Variants in SEZ6L observed in about 807,000 individuals in gnomAD.
SEZ6L encodes the protein seizure related 6 homolog like, also known as seizure 6-like protein.
Under a neutral mutation model 106.2 loss-of-function variants are expected in SEZ6L, and 37 were observed. The ratio of observed to expected loss-of-function variants is 0.35; its 90% CI spans 0.27 to 0.46. The LOEUF (loss-of-function observed/expected upper bound fraction) is 0.46, where lower values mean the gene tolerates loss of function less well. Ranked by LOEUF, SEZ6L falls within the 20% of genes least tolerant of loss-of-function variation. The pLI is 1.00. For synonymous variants in SEZ6L, 541 were observed against 570.4 expected, an observed-to-expected ratio of 0.95 and a Z score of 0.73; for missense variants, 1,172 against 1,332.8, an observed-to-expected ratio of 0.88 and a Z score of 1.88.
chr22:26,173,112 C>A (rs554277635), intron 1 of SEZ6L, among the ~76,000 whole-genome samples: 1 of 152,114 alleles, frequency 6.6e-6, no homozygotes, highest in South Asian at 2.1e-4. Context: ...GGAATGGGGG[C>A]AGGGCAAGGA....
At chr22:26,198,916 G>A (rs117019125) in intron 1 of SEZ6L, among the ~76,000 whole-genome samples, 3 of 152,214 alleles carry the variant, frequency 2.0e-5, no homozygotes, top group Non-Finnish European at 4.4e-5. Flanking sequence ...TGCCTCCCTT[G>A]TGGTTGGATG....
intron 4 of SEZ6L, among the ~76,000 whole-genome samples, chr22:26,298,426 TC>T (rs2081361303): frequency 6.6e-6 from 1 of 152,162 alleles, no homozygotes; most frequent in Non-Finnish European, 1.5e-5. Context: ...TCTCATTTAA[TC>T]CCCACCACCA....
chr22:26,351,068 C>T lies in SEZ6L; in HGVS notation c.2424C>T (p.Asp808=). 6.2e-7 allele frequency: 1 copy of T among 1,613,910 alleles called. No individual in the cohort carries two copies. Among genetic ancestry groups the T allele is most frequent in the Non-Finnish European group, 8.5e-7 (1 of 1,179,946 alleles). ...PFCEKIMYCT[D]PGEVDHSTRL... is the part of the protein sequence containing the mutation. Reference sequence around the variant, plus strand: ...CCCGTGTAGTTATGTACTGCACCGACCCCGGAGAGGTGGATCACTCGACCC... The same window carrying T: ...CCCGTGTAGTTATGTACTGCACCGATCCCGGAGAGGTGGATCACTCGACCC... The change falls in exon 12 of 17, where the codon GAC becomes GAT. Residue 808 remains aspartate, a synonymous_variant. Coordinates refer to ENST00000248933, the MANE Select transcript of SEZ6L (RefSeq NM_021115.5).
chr22:26,231,678 C>T (rs2078802042), intron 1 of SEZ6L, among the ~76,000 whole-genome samples: 1 of 152,194 alleles, frequency 6.6e-6, no homozygotes, highest in African/African-American at 2.4e-5. Flanking sequence ...TGTGTCAAGG[C>T]CCAGGAGACA....
At chr22:26,353,024 G>A (rs751893660) in intron 12 of SEZ6L, among the ~76,000 whole-genome samples, 2 of 152,202 alleles carry the variant, frequency 1.3e-5, no homozygotes, top group Non-Finnish European at 2.9e-5. Flanking sequence ...TCTTGTGAGA[G>A]AAAAATTTCC....
At chr22:26,275,361 T>C (rs1383063232) in intron 1 of SEZ6L, among the ~76,000 whole-genome samples, 3 of 152,202 alleles carry the variant, frequency 2.0e-5, no homozygotes, top group Non-Finnish European at 4.4e-5. Flanking sequence ...ATGTTTAAGG[T>C]AGGCTAGGCT....
chr22:26,247,366 ATGT>A (rs1223730906), intron 1 of SEZ6L, among the ~76,000 whole-genome samples: 3 of 152,142 alleles, frequency 2.0e-5, no homozygotes, highest in African/African-American at 7.2e-5. Context: ...AAAGCTCAGG[ATGT>A]AACCTTATTT....
At chr22:26,237,130 C>T (rs887668094) in intron 1 of SEZ6L, among the ~76,000 whole-genome samples, 20 of 152,252 alleles carry the variant, frequency 1.3e-4, no homozygotes, top group Admixed American at 1.0e-3. Flanking sequence ...TCCCCACTTC[C>T]CCTCCCTGAG....
intron 10 of SEZ6L, among the ~76,000 whole-genome samples, chr22:26,344,223 G>T (rs1300384012): frequency 6.6e-6 from 1 of 152,104 alleles, no homozygotes; most frequent in Non-Finnish European, 1.5e-5. Flanking sequence ...GGGCCTACGT[G>T]GTTCTAGAAT....
chr22:26,359,859 G>T (rs2083556709), intron 12 of SEZ6L, among the ~76,000 whole-genome samples: 1 of 152,128 alleles, frequency 6.6e-6, no homozygotes, highest in Non-Finnish European at 1.5e-5. Context: ...TCTTAGGGTT[G>T]TTGTGATAAC....
intron 1 of SEZ6L, among the ~76,000 whole-genome samples, chr22:26,230,927 G>A (rs139321980): frequency 7.2e-5 from 11 of 152,296 alleles, no homozygotes; most frequent in Admixed American, 2.6e-4. Flanking sequence ...GGGACAAGTC[G>A]CCCAAGGCTT....
chr22:26,240,067 GACACACAC>G (rs67141647), intron 1 of SEZ6L, among the ~76,000 whole-genome samples: 10 of 135,914 alleles, frequency 7.4e-5, no homozygotes, highest in South Asian at 2.5e-4. Context: ...CACACATACA[GACACACAC>G]ACACACACAC....
At chr22:26,227,150 G>A (rs375967383) in intron 1 of SEZ6L, among the ~76,000 whole-genome samples, 1 of 152,278 alleles carries the variant, frequency 6.6e-6, no homozygotes, top group Middle Eastern at 3.4e-3. Flanking sequence ...TCTGCTCAGC[G>A]AACATCTGCT....
intron 9 of SEZ6L, among the ~76,000 whole-genome samples, chr22:26,337,588 C>A (rs1299494179): frequency 6.6e-6 from 1 of 152,162 alleles, no homozygotes; most frequent in Non-Finnish European, 1.5e-5. Flanking sequence ...CTCTGGGAGG[C>A]TCTTTCATAC....
At chr22:26,278,864 G>C (rs2080647333) in intron 1 of SEZ6L, among the ~76,000 whole-genome samples, 1 of 142,018 alleles carries the variant, frequency 7.0e-6, no homozygotes. Flanking sequence ...GAAAAGAAAA[G>C]AAAGAGAAAG....
intron 1 of SEZ6L, among the ~76,000 whole-genome samples, chr22:26,200,044 C>G (rs1940828332): frequency 6.6e-6 from 1 of 152,208 alleles, no homozygotes; most frequent in Non-Finnish European, 1.5e-5. Context: ...AGCTACTGAG[C>G]AAAGATCACA....
At chr22:26,189,760 G>A (rs1940047472) in intron 1 of SEZ6L, among the ~76,000 whole-genome samples, 2 of 152,104 alleles carry the variant, frequency 1.3e-5, no homozygotes, top group Admixed American at 1.3e-4. Context: ...CATGGATACT[G>A]GCAGACGACT....
chr22:26,236,157 G>A (rs2078952081), intron 1 of SEZ6L, among the ~76,000 whole-genome samples: 1 of 152,218 alleles, frequency 6.6e-6, no homozygotes, highest in South Asian at 2.1e-4. Flanking sequence ...ATGCAGGAAA[G>A]TGTTTTATCT....
chr22:26,320,445 A>T (rs1389848119), intron 9 of SEZ6L, among the ~76,000 whole-genome samples: 1 of 152,228 alleles, frequency 6.6e-6, no homozygotes. Flanking sequence ...GGGCCTTAGG[A>T]TTTGCAGTGA....
Sources: gnomAD v4.1 joint callset for allele counts (sites outside exome capture counted in the v4.1 genomes callset) on GRCh38, gnomAD v4.1.1 for gene constraint, MANE v1.5 for transcripts, NCBI Gene and HGNC (gene_info 2026-07-23, HGNC 2026-07-21) for gene names.